EPHA3: variants seen among roughly 807,000 people sequenced by gnomAD.
EPHA3 encodes the protein EPH receptor A3.
Under a neutral mutation model 107.1 loss-of-function variants are expected in EPHA3, and 42 were observed. The ratio of observed to expected loss-of-function variants is 0.39; its 90% confidence interval spans 0.31 to 0.51. EPHA3 has a LOEUF of 0.51. EPHA3 is among the 20% of genes least tolerant of loss of function. The pLI, the probability that EPHA3 is intolerant of heterozygous loss-of-function variation, is 0.78. For missense variants in EPHA3, 1,183 were observed against 1,211.2 expected (o/e 0.98, Z 0.35); for synonymous variants, 461 against 424.8 (o/e 1.09, Z -1.05).
intron 3 of EPHA3, among the ~76,000 whole-genome samples, chr3:89,337,570 G>A (rs1464066962): frequency 6.6e-6 from 1 of 152,218 alleles, no homozygotes; most frequent in African/African-American, 2.4e-5. Flanking sequence ...GACATTAAAT[G>A]ACTATCTATT....
intron 5 of EPHA3, among the ~76,000 whole-genome samples, chr3:89,351,369 G>A (rs1427738321): frequency 3.3e-5 from 5 of 150,968 alleles, no homozygotes; most frequent in Admixed American, 1.3e-4. Flanking sequence ...GGGTGGGAGT[G>A]ACCCGATTTT....
At chr3:89,403,642 A>G (rs888243955) in intron 7 of EPHA3, among the ~76,000 whole-genome samples, 1 of 152,210 alleles carries the variant, frequency 6.6e-6, no homozygotes, top group Non-Finnish European at 1.5e-5. Flanking sequence ...ATTGTTTGGA[A>G]ACCCTCAGTG....
At chr3:89,457,856 A>T (rs540263884) in intron 15 of EPHA3, among the ~76,000 whole-genome samples, 2 of 152,354 alleles carry the variant, frequency 1.3e-5, no homozygotes, top group East Asian at 3.9e-4. Flanking sequence ...CAGGGAAAGT[A>T]GACAGTGTGT....
At chr3:89,340,788 TA>T in intron 3 of EPHA3, 127 bp from the exon 4 acceptor site, 1 of 983,236 alleles carries the variant, frequency 1.0e-6, no homozygotes, top group Non-Finnish European at 1.4e-6. Context: ...TTTGCTTCTG[TA>T]AATTCTTGGA....
chr3:89,192,333 G>A (rs2107143015), intron 2 of EPHA3, among the ~76,000 whole-genome samples: 1 of 152,178 alleles, frequency 6.6e-6, no homozygotes, highest in African/African-American at 2.4e-5. Flanking sequence ...TGAAAATGAT[G>A]TACTCTGAGC....
rs552160199 is a variant in EPHA3, at chr3:89,219,452, C to T, written c.814+8932C>T. Among the ~76,000 whole-genome samples, 9 of 152,010 alleles carry T rather than the reference C, an allele frequency of 5.9e-5. No individual in the cohort carries two copies. The South Asian group carries it at 1.9e-3, about 32-fold the overall frequency. On this transcript the variant is annotated intron_variant, in intron 3 of 16. Transcript: ENST00000336596. Reference sequence around the variant, plus strand: ...TGCTGGGATTACAGGCATGAGCCTCCGTGCCCTGCCCCCCACAACAATTTA... The same window carrying T: ...TGCTGGGATTACAGGCATGAGCCTCTGTGCCCTGCCCCCCACAACAATTTA...
chr3:89,353,862 G>A (rs1029964664), intron 5 of EPHA3, among the ~76,000 whole-genome samples: 14 of 151,356 alleles, frequency 9.2e-5, no homozygotes, highest in African/African-American at 1.4e-4. Flanking sequence ...AATCTAAACT[G>A]AATTTTCATT....
intron 3 of EPHA3, among the ~76,000 whole-genome samples, chr3:89,328,907 G>C (rs1707230503): frequency 6.6e-6 from 1 of 152,102 alleles, no homozygotes; most frequent in African/African-American, 2.4e-5. Flanking sequence ...TGGAAAAGGT[G>C]ATGTAAACAT....
chr3:89,253,226 A>G (rs1204412958), intron 3 of EPHA3, among the ~76,000 whole-genome samples: 4 of 152,052 alleles, frequency 2.6e-5, no homozygotes, highest in Admixed American at 6.6e-5. Context: ...TCTTTTTCCA[A>G]TGACTAACTA....
chr3:89,373,509 A>T (rs1176476076), intron 5 of EPHA3, among the ~76,000 whole-genome samples: 1 of 151,906 alleles, frequency 6.6e-6, no homozygotes, highest in Non-Finnish European at 1.5e-5. Flanking sequence ...TTTAGCAGCA[A>T]ATGGGAACTT....
chr3:89,235,411 A>G (rs1704735888), intron 3 of EPHA3, among the ~76,000 whole-genome samples: 1 of 152,198 alleles, frequency 6.6e-6, no homozygotes, highest in Non-Finnish European at 1.5e-5. Flanking sequence ...AAATATATCA[A>G]CCCATGTGCC....
chr3:89,361,599 T>G (rs1292037955), intron 5 of EPHA3, among the ~76,000 whole-genome samples: 1 of 151,176 alleles, frequency 6.6e-6, no homozygotes. Flanking sequence ...TTCACAAATG[T>G]TTCACAGTTT....
chr3:89,294,617 A>G (rs544025677), intron 3 of EPHA3, among the ~76,000 whole-genome samples: 1 of 151,688 alleles, frequency 6.6e-6, no homozygotes, highest in African/African-American at 2.4e-5. Context: ...ATCTGCCACC[A>G]TCCAATTCAA....
At chr3:89,345,260 A>G (rs1300191198) in intron 5 of EPHA3, among the ~76,000 whole-genome samples, 1 of 151,262 alleles carries the variant, frequency 6.6e-6, no homozygotes, top group Non-Finnish European at 1.5e-5. Context: ...CTCTTATTTT[A>G]CTACTTGGAT....
intron 15 of EPHA3, among the ~76,000 whole-genome samples, chr3:89,470,472 T>C (rs757320248): frequency 6.6e-6 from 1 of 152,216 alleles, no homozygotes; most frequent in Non-Finnish European, 1.5e-5. Context: ...TTCCCACATA[T>C]GCTCATTTAA....
intron 15 of EPHA3, among the ~76,000 whole-genome samples, chr3:89,458,270 G>A (rs1481162300): frequency 1.3e-5 from 2 of 152,100 alleles, no homozygotes; most frequent in Non-Finnish European, 2.9e-5. Context: ...CACCAAGAGA[G>A]AAAGAAAATT....
intron 9 of EPHA3, among the ~76,000 whole-genome samples, chr3:89,410,169 T>C (rs1709131730): frequency 6.6e-6 from 1 of 152,006 alleles, no homozygotes; most frequent in Non-Finnish European, 1.5e-5. Context: ...TGTTTATGTT[T>C]GTTTTTTTCC....
At chr3:89,324,291 C>T (rs946087505) in intron 3 of EPHA3, among the ~76,000 whole-genome samples, 1 of 151,646 alleles carries the variant, frequency 6.6e-6, no homozygotes, top group African/African-American at 2.4e-5. Context: ...CTTCAGCCTC[C>T]CAAGTAGCTG....
At chr3:89,208,423 G>GAAGGAAGAAAGAAAGAAAGA (rs74193305) in intron 2 of EPHA3, among the ~76,000 whole-genome samples, 2 of 37,546 alleles carry the variant, frequency 5.3e-5, no homozygotes, top group Non-Finnish European at 9.3e-5. Context: ...AGGAAGGAAG[G>GAAGGAAGAAAGAAAGAAAGA]AAGAAAGAAA....
Sources: allele counts gnomAD v4.1 joint callset (sites outside exome capture counted in the v4.1 genomes callset), GRCh38; gene constraint gnomAD v4.1.1; transcripts MANE v1.5; gene names NCBI Gene and HGNC (gene_info 2026-07-23, HGNC 2026-07-21).